The following ANK3 variants were observed in gnomAD, a reference collection of about 807,000 sequenced individuals.
The protein encoded by ANK3 is ankyrin 3, also known as ankyrin-3.
A neutral mutation model predicts 370.9 loss-of-function variants in ANK3; 57 were observed. The observed-to-expected ratio is 0.15, with a 90% CI of 0.12 to 0.19. The LOEUF is 0.19. ANK3 is among the 10% of genes least tolerant of loss of function. ANK3 has a pLI of 1.00. For missense variants in ANK3, 4,439 were observed against 5,302.1 expected, an observed-to-expected ratio of 0.84 and a Z score of 5.06; for synonymous variants, 1,929 against 1,946.3, an observed-to-expected ratio of 0.99 and a Z score of 0.23.
At chr10:60,290,252 A>T (rs953389456) in intron 1 of ANK3, among the ~76,000 whole-genome samples, 4 of 152,162 alleles carry the variant, frequency 2.6e-5, no homozygotes, top group Non-Finnish European at 5.9e-5. Context: ...AGATTGGTCT[A>T]TGTCAGCAAA....
chr10:60,318,604 G>A (rs2047966172), intron 1 of ANK3, among the ~76,000 whole-genome samples: 1 of 152,134 alleles, frequency 6.6e-6, no homozygotes, highest in Admixed American at 6.5e-5. Flanking sequence ...TGAACTCTGG[G>A]AAGCAGAGTG....
intron 1 of ANK3, among the ~76,000 whole-genome samples, chr10:60,684,288 G>T (rs772826055): frequency 6.6e-6 from 1 of 152,162 alleles, no homozygotes; most frequent in Non-Finnish European, 1.5e-5. Flanking sequence ...AGTCTGGCGC[G>T]TCGCGCCCAC....
At chr10:60,313,165 C>G (rs773036167) in intron 1 of ANK3, among the ~76,000 whole-genome samples, 1 of 152,144 alleles carries the variant, frequency 6.6e-6, no homozygotes, top group Non-Finnish European at 1.5e-5. Context: ...CTGGAAATGG[C>G]GCTTACTCCC....
intron 2 of ANK3, among the ~76,000 whole-genome samples, chr10:60,410,870 C>T (rs1448815933): frequency 3.9e-5 from 6 of 151,954 alleles, no homozygotes; most frequent in Non-Finnish European, 7.4e-5. Flanking sequence ...CAAGGTCTCC[C>T]TATGTGTTGC....
intron 2 of ANK3, among the ~76,000 whole-genome samples, chr10:60,492,680 C>A (rs563978589): frequency 7.9e-6 from 1 of 127,216 alleles, no homozygotes; most frequent in Non-Finnish European, 1.7e-5. Flanking sequence ...GCGCTCCAGC[C>A]TGGGCAACAC....
In ANK3 at chr10:60,513,793, A is replaced by T. The variant is rs150568949; in HGVS notation, c.96+101393T>A. ...CATAGCACTATCTCGGGTAGTCATA[A>T]GAAACAAGTAATTATTAATGAATTA... On this transcript the variant is annotated intron_variant, in intron 2 of 43. Coordinates refer to the ANK3 transcript ENST00000373827. 3.1e-3 allele frequency among the ~76,000 whole-genome samples: 476 copies of T among 152,312 alleles called. 4 individuals carry two copies. The highest frequency in any genetic ancestry group is 0.011 in the African/African-American group (454 of 41,584).
intron 1 of ANK3, among the ~76,000 whole-genome samples, chr10:60,646,103 A>T (rs987019772): frequency 2.0e-5 from 3 of 152,120 alleles, no homozygotes; most frequent in Non-Finnish European, 4.4e-5. Context: ...CCAGGCAAAG[A>T]TTACAACATG....
In ANK3 at chr10:60,072,424, T is replaced by G. The variant is rs760062332; in HGVS notation, c.8457A>C (p.Lys2819Asn). The G allele has an allele frequency of 6.2e-7, 1 of 1,614,084 alleles. No homozygotes were observed. Among genetic ancestry groups the G allele is most frequent in the Non-Finnish European group, 8.5e-7 (1 of 1,180,010 alleles). ...GCTCAGAAAAAGAGTCAGGCATTGC[T>G]TTACTTGACATTTCAGTTCTCTGTT... ...VKKQRTEMSSKAMPDSFSEQQ... is the reference protein window; with the variant it reads ...VKKQRTEMSSNAMPDSFSEQQ... Residue 2819 changes from lysine to asparagine, a missense_variant, in exon 37 of 44, where the codon AAA becomes AAC. Lys to Asn is a moderately conservative substitution (Grantham distance 94). Coordinates refer to ENST00000280772, the MANE Select transcript of ANK3 (RefSeq NM_020987.5).
intron 28 of ANK3, among the ~76,000 whole-genome samples, chr10:60,090,441 A>G (rs567459994): frequency 6.6e-6 from 1 of 152,340 alleles, no homozygotes; most frequent in East Asian, 1.9e-4. Context: ...AAGGTAATAT[A>G]TTTGACTACA....
intron 1 of ANK3, among the ~76,000 whole-genome samples, chr10:60,716,069 C>G (rs184235572): frequency 6.6e-6 from 1 of 152,206 alleles, no homozygotes; most frequent in Non-Finnish European, 1.5e-5. Flanking sequence ...TTCACATATT[C>G]AAGTTTTTCT....
At chr10:60,399,566 A>G (rs1038115513) in intron 2 of ANK3, among the ~76,000 whole-genome samples, 1 of 152,160 alleles carries the variant, frequency 6.6e-6, no homozygotes, top group Middle Eastern at 3.2e-3. Context: ...GTCTTGGTCC[A>G]GTTCCTAATG....
intron 16 of ANK3, among the ~76,000 whole-genome samples, chr10:60,190,383 G>C (rs1382264215): frequency 2.0e-5 from 3 of 146,350 alleles, no homozygotes; most frequent in Non-Finnish European, 4.6e-5. Flanking sequence ...AAGGCAGATT[G>C]CCTACTCTGT....
chr10:60,112,535 A>G (rs1236861773), intron 26 of ANK3, among the ~76,000 whole-genome samples: 1 of 152,206 alleles, frequency 6.6e-6, no homozygotes, highest in Non-Finnish European at 1.5e-5. Context: ...TTTCATGTCA[A>G]TTATTCCCAT....
intron 2 of ANK3, among the ~76,000 whole-genome samples, chr10:60,406,883 C>T: frequency 6.6e-6 from 1 of 152,104 alleles, no homozygotes. Context: ...CCTCATTCAC[C>T]ATTTTTTGCC....
In ANK3 at chr10:60,550,472, T is replaced by C. The variant is rs139736648; in HGVS notation, c.96+64714A>G. On this transcript the variant is annotated intron_variant, in intron 2 of 43. Coordinates refer to the ANK3 transcript ENST00000373827. ...TTTTTAAAAGAGTATAGAAAAGATGTAAATTTCTAAAAAGTCTAAAACACT... is the reference window on the plus strand; with the variant it reads ...TTTTTAAAAGAGTATAGAAAAGATGCAAATTTCTAAAAAGTCTAAAACACT... Among the ~76,000 whole-genome samples, 5 of 152,066 alleles carry C rather than the reference T, an allele frequency of 3.3e-5. No individual in the cohort carries two copies. In the East Asian group the frequency reaches 9.6e-4, roughly 29 times the overall value.
At chr10:60,241,003 A>G (rs774966111) in intron 7 of ANK3, among the ~76,000 whole-genome samples, 10 of 152,172 alleles carry the variant, frequency 6.6e-5, no homozygotes, top group Non-Finnish European at 1.0e-4. Context: ...CAGTGGAAAG[A>G]TGGTTGTATT....
intron 1 of ANK3, among the ~76,000 whole-genome samples, chr10:60,630,636 T>G (rs151310496): frequency 2.0e-5 from 3 of 152,080 alleles, no homozygotes; most frequent in African/African-American, 7.2e-5. Context: ...AATTGAACTT[T>G]CAGGATAAGG....
chr10:60,595,207 C>A (rs932277771), intron 2 of ANK3, among the ~76,000 whole-genome samples: 2 of 152,024 alleles, frequency 1.3e-5, no homozygotes, highest in African/African-American at 4.8e-5. Flanking sequence ...GGAGAGCTAA[C>A]TTATCAAGAT....
At chr10:60,487,100 A>G (rs537308482) in intron 2 of ANK3, among the ~76,000 whole-genome samples, 1 of 152,334 alleles carries the variant, frequency 6.6e-6, no homozygotes, top group East Asian at 1.9e-4. Context: ...GAAACTTAAA[A>G]AGAACCTAAT....
Sources: allele counts gnomAD v4.1 joint callset (sites outside exome capture counted in the v4.1 genomes callset), GRCh38; gene constraint gnomAD v4.1.1; transcripts MANE v1.5; gene names NCBI Gene and HGNC (gene_info 2026-07-23, HGNC 2026-07-21).